RFC2: variants seen among roughly 807,000 people sequenced by gnomAD.
The protein encoded by RFC2 is replication factor C subunit 2, also known as A1 40 kDa subunit.
Under a neutral mutation model 44.8 loss-of-function variants are expected in RFC2, and 34 were observed. The observed-to-expected ratio is 0.76, with a 90% CI of 0.58 to 1.01. The LOEUF is 1.01. Among genes scored for constraint, RFC2 ranks in the 50% least tolerant of loss-of-function variants. RFC2 has a pLI of 0.00. For synonymous variants in RFC2, 177 were observed against 168.9 expected, an observed-to-expected ratio of 1.05 and a Z score of -0.37; for missense variants, 400 against 453.6, an observed-to-expected ratio of 0.88 and a Z score of 1.07.
chr7:74,242,749 T>TAAAAA (rs71094767), intron 6 of RFC2, among the ~76,000 whole-genome samples: 1 of 105,648 alleles, frequency 9.5e-6, no homozygotes, highest in Non-Finnish European at 1.9e-5. Context: ...CCCCATCTCT[T>TAAAAA]AAAAAAAAAA....
Position 74,238,721 on chromosome 7 carries a change from C to T in RFC2, c.759+202G>A, listed in dbSNP as rs1398992787. Among the ~76,000 whole-genome samples, 1 of 152,124 alleles carries T rather than the reference C, an allele frequency of 6.6e-6. No homozygotes were observed. The highest frequency in any genetic ancestry group is 1.9e-4 in the East Asian group (1 of 5,180). On this transcript the variant is annotated intron_variant, in intron 8 of 10. Coordinates refer to ENST00000055077, the MANE Select transcript of RFC2 (RefSeq NM_181471.3). This position sits in a 1 kb window ranked among gnomAD's most constrained non-coding sequence, Gnocchi z 4.0. The stretch of plus-strand genomic sequence containing the variant: ...TCCCTCACCTACCACACACAAGTGA[C>T]GTTCCAGGTCCCCCGAAACTCTCCA...
chr7:74,243,323 G>A, intron 5 of RFC2, 77 bp from the exon 6 acceptor site: 1 of 979,256 alleles, frequency 1.0e-6, no homozygotes, highest in Non-Finnish European at 1.6e-6. Flanking sequence ...CAAAAACCCA[G>A]GACATAAGAC....
chr7:74,251,034 G>A (rs1786908832), intron 2 of RFC2, among the ~76,000 whole-genome samples: 3 of 152,140 alleles, frequency 2.0e-5, no homozygotes, highest in African/African-American at 4.8e-5. Flanking sequence ...TGATCCACTC[G>A]CCTTGGCCTC....
chr7:74,238,830 C>T lies in RFC2; in HGVS notation c.759+93G>A, dbSNP rs1217414138. ...GCACCCACAAGAGCAGCTAGATGTC[C>T]GTCCCCACTGCCAGCCCAGCCCTTC... On this transcript the variant is annotated intron_variant, in intron 8 of 10. Coordinates refer to ENST00000055077, the MANE Select transcript of RFC2 (RefSeq NM_181471.3). The surrounding 1 kb of genome is among the most constrained non-coding windows in gnomAD (Gnocchi z 4.0). 5 of 984,090 alleles carry T rather than the reference C, an allele frequency of 5.1e-6. No homozygotes were observed. The highest frequency in any genetic ancestry group is 8.1e-6 in the Non-Finnish European group (5 of 619,220). 61.0% of individuals were successfully genotyped at this position (984,090 alleles called of 1,614,324 possible).
Position 74,254,140 on chromosome 7 carries a change from A to G in RFC2, c.113+131T>C, listed in dbSNP as rs1029821844. The G allele has an allele frequency of 1.3e-5, 9 of 710,444 alleles. No individual in the cohort carries two copies. In the Admixed American group the frequency reaches 1.5e-4, roughly 12 times the overall value. The allele number at this position is 710,444 out of a possible 1,614,324, so 44.0% of individuals were successfully genotyped here. A position where few individuals can be genotyped will look rare whatever the true frequency, so the allele number is the denominator to read the frequency against. On this transcript the variant is annotated intron_variant, in intron 1 of 10. Coordinates refer to ENST00000055077, the MANE Select transcript of RFC2 (RefSeq NM_181471.3). The stretch of plus-strand genomic sequence containing the variant: ...GCCTTCTTGAAATCATCTCGATGCC[A>G]CCCGGGGCCTCCTCCTCCCTCGGGA...
intron 4 of RFC2, among the ~76,000 whole-genome samples, chr7:74,248,505 G>T (rs1340597778): frequency 4.8e-5 from 7 of 144,884 alleles, no homozygotes; most frequent in African/African-American, 1.0e-4. Context: ...AAACTAGTTG[G>T]TTTTTTTTTT....
Position 74,254,364 on chromosome 7 carries a change from C to T in RFC2, c.20G>A (p.Cys7Tyr). Reference sequence around the variant, plus strand: ...GGCCTCCACCTCGCCCGCGCCACCACAGACGGCCTCCACCTCCATTCTCGC... The same window carrying T: ...GGCCTCCACCTCGCCCGCGCCACCATAGACGGCCTCCACCTCCATTCTCGC... MEVEAV[C>Y]GGAGEVEAQD... is the part of the protein sequence containing the mutation. Residue 7 changes from cysteine to tyrosine, a missense_variant, in exon 1 of 11, where the codon TGT becomes TAT. Coordinates refer to ENST00000055077, the MANE Select transcript of RFC2 (RefSeq NM_181471.3). 1 of 1,607,908 alleles carries T rather than the reference C, an allele frequency of 6.2e-7. No individual in the cohort carries two copies. Among genetic ancestry groups the T allele is most frequent in the Non-Finnish European group, 8.5e-7 (1 of 1,177,236 alleles).
chr7:74,239,199 A>C, intron 7 of RFC2, among the ~76,000 whole-genome samples: 1 of 131,558 alleles, frequency 7.6e-6, no homozygotes, highest in Non-Finnish European at 1.6e-5. Flanking sequence ...TTTTTGAGAC[A>C]GAGTCTCACT....
At chr7:74,247,828 A>G (rs1803709500) in intron 4 of RFC2, among the ~76,000 whole-genome samples, 1 of 152,214 alleles carries the variant, frequency 6.6e-6, no homozygotes. Context: ...AACAATATGC[A>G]GCTGTCCCTT....
At chr7:74,234,557 C>T (rs112099778) in intron 10 of RFC2, among the ~76,000 whole-genome samples, 72 of 152,008 alleles carry the variant, frequency 4.7e-4, no homozygotes, top group Non-Finnish European at 8.5e-4. Context: ...CAATCAGCCA[C>T]GTTGATCTAG....
chr7:74,250,330 A>T (rs1786856231), intron 2 of RFC2, among the ~76,000 whole-genome samples: 1 of 151,906 alleles, frequency 6.6e-6, no homozygotes, highest in Non-Finnish European at 1.5e-5. Flanking sequence ...TCTGGCTGTC[A>T]CCCAGGCTGG....
chr7:74,235,755 T>C (rs555548076), intron 9 of RFC2, 110 bp from the exon 10 acceptor site: 19 of 721,788 alleles, frequency 2.6e-5, no homozygotes, highest in Admixed American at 1.3e-4. Flanking sequence ...CACATGGGGG[T>C]ACCTTAACTG....
At chr7:74,252,705 C>T (rs1402492875) in intron 1 of RFC2, among the ~76,000 whole-genome samples, 4 of 152,164 alleles carry the variant, frequency 2.6e-5, no homozygotes, top group East Asian at 3.9e-4. Context: ...GAGGCTGAGG[C>T]GGGTGGATCA....
chr7:74,237,302 G>A (rs782637004), intron 9 of RFC2, 60 bp downstream of exon 9: 45 of 1,193,698 alleles, frequency 3.8e-5, no homozygotes, highest in East Asian at 3.4e-4. Flanking sequence ...AAGGGCTCCC[G>A]CTCTCCTCTG....
chr7:74,232,797 G>A (rs573411460), intron 10 of RFC2, among the ~76,000 whole-genome samples: 87 of 152,068 alleles, frequency 5.7e-4, no homozygotes, highest in East Asian at 5.0e-3. Context: ...CCTGGGAGGC[G>A]AAGGTTGCAG....
chr7:74,232,292 A>G lies in RFC2; in HGVS notation c.955-76T>C, dbSNP rs56273882. On this transcript the variant is annotated intron_variant, in intron 10 of 10. Transcript: ENST00000055077. Reference sequence around the variant, plus strand: ...TTTAAAATCTGAACTGAAAAAAATAAAAATAAAAACAGAAACAAACTGAAC... The same window carrying G: ...TTTAAAATCTGAACTGAAAAAAATAGAAATAAAAACAGAAACAAACTGAAC... The G allele has an allele frequency of 2.8e-4, 230 of 818,760 alleles. 2 individuals are homozygous for G. The East Asian group carries it at 5.1e-3, about 18-fold the overall frequency. The allele number at this position is 818,760 out of a possible 1,614,324, so 50.7% of individuals were successfully genotyped here.
rs1787156942 is a variant in RFC2, at chr7:74,254,341, C to T, written c.43G>A (p.Ala15Thr). 7.4e-6 allele frequency: 12 copies of T among 1,610,792 alleles called. No homozygotes were observed. The East Asian group carries it at 2.7e-4, about 36-fold the overall frequency. The change falls in exon 1 of 11, where the codon GCC (alanine) becomes ACC (threonine). Residue 15 changes from alanine (A) to threonine (T), a missense_variant. Physicochemically the swap from Ala to Thr is moderately conservative, Grantham distance 58. Coordinates refer to ENST00000055077, the MANE Select transcript of RFC2 (RefSeq NM_181471.3). The part of the protein sequence containing the change: ...AVCGGAGEVE[A>T]QDSDPAPAFS... The stretch of plus-strand genomic sequence containing the variant: ...GCAGGGGCAGGGTCAGAGTCCTGGG[C>T]CTCCACCTCGCCCGCGCCACCACAG...
At chr7:74,250,761 G>A (rs946533082) in intron 2 of RFC2, among the ~76,000 whole-genome samples, 1 of 151,688 alleles carries the variant, frequency 6.6e-6, no homozygotes, top group Non-Finnish European at 1.5e-5. Flanking sequence ...CTGTAACCAC[G>A]ACCACTTTCC....
chr7:74,239,795 C>T, intron 7 of RFC2, 143 bp downstream of exon 7: 2 of 749,898 alleles, frequency 2.7e-6, no homozygotes, highest in East Asian at 2.9e-5. Flanking sequence ...CCGAGCTAGA[C>T]AGCCCACTGT....
Sources: allele counts gnomAD v4.1 joint callset (sites outside exome capture counted in the v4.1 genomes callset), GRCh38; gene constraint gnomAD v4.1.1; non-coding constraint Gnocchi (gnomAD v3.1); transcripts MANE v1.5; gene names NCBI Gene and HGNC (gene_info 2026-07-23, HGNC 2026-07-21).